Variants in SLC4A10 observed in about 807,000 individuals in gnomAD.
The protein encoded by SLC4A10 is sodium-driven chloride bicarbonate exchanger.
In SLC4A10, 42 loss-of-function variants were observed where a neutral mutation model predicts 137.7. That is an observed-to-expected ratio of 0.30 (90% CI 0.24 to 0.39). The LOEUF is 0.39. Ranked by LOEUF, SLC4A10 falls within the 10% of genes least tolerant of loss-of-function variation. The probability of loss-of-function intolerance (pLI) is 1.00; values close to 1 mark genes in which losing one functional copy is unlikely to be tolerated. For synonymous variants in SLC4A10, 474 were observed against 464.1 expected (o/e 1.02, Z -0.27); for missense variants, 925 against 1,355.0 (o/e 0.68, Z 4.98).
intron 1 of SLC4A10, among the ~76,000 whole-genome samples, chr2:161,734,620 A>G (rs2125204569): frequency 6.6e-6 from 1 of 152,198 alleles, no homozygotes; most frequent in Non-Finnish European, 1.5e-5. Context: ...TTTTATTTGA[A>G]ATTATCTTAA....
intron 1 of SLC4A10, among the ~76,000 whole-genome samples, chr2:161,762,118 A>G (rs1167835231): frequency 6.6e-6 from 1 of 152,128 alleles, no homozygotes; most frequent in Non-Finnish European, 1.5e-5. Context: ...TGCTTCTTTA[A>G]TAAAAATATG....
intron 9 of SLC4A10, among the ~76,000 whole-genome samples, chr2:161,879,591 A>G (rs536306295): frequency 2.7e-5 from 4 of 149,270 alleles, no homozygotes; most frequent in Admixed American, 6.7e-5. Context: ...AGAAGTGGTA[A>G]CATGTTAGCT....
chr2:161,881,348 T>A (rs1251089766), intron 9 of SLC4A10, among the ~76,000 whole-genome samples: 1 of 152,052 alleles, frequency 6.6e-6, no homozygotes, highest in Non-Finnish European at 1.5e-5. Context: ...CCATTCCTGT[T>A]TTTAATGTAT....
At chr2:161,860,073 A>G (rs2060347555) in intron 5 of SLC4A10, among the ~76,000 whole-genome samples, 1 of 152,228 alleles carries the variant, frequency 6.6e-6, no homozygotes, top group African/African-American at 2.4e-5. Context: ...GTAAGTGATT[A>G]CTAATTCAGA....
intron 3 of SLC4A10, among the ~76,000 whole-genome samples, chr2:161,830,879 G>A (rs2058390921): frequency 6.6e-6 from 1 of 152,146 alleles, no homozygotes; most frequent in Non-Finnish European, 1.5e-5. Flanking sequence ...AAGAGATGTA[G>A]GGTGCTATAA....
intron 2 of SLC4A10, among the ~76,000 whole-genome samples, chr2:161,772,586 T>C (rs1018172034): frequency 1.3e-5 from 2 of 151,948 alleles, no homozygotes; most frequent in Non-Finnish European, 2.9e-5. Flanking sequence ...TTCTGATTGG[T>C]AGAGCACAAC....
At chr2:161,637,027 T>A (rs2034501386) in intron 1 of SLC4A10, among the ~76,000 whole-genome samples, 2 of 147,294 alleles carry the variant, frequency 1.4e-5, no homozygotes, top group African/African-American at 4.9e-5. Context: ...CTACATTTTT[T>A]AAAAATTATT....
At chr2:161,784,959 G>GT (rs555189634) in intron 2 of SLC4A10, among the ~76,000 whole-genome samples, 15 of 150,168 alleles carry the variant, frequency 1.0e-4, no homozygotes, top group Admixed American at 4.0e-4. Flanking sequence ...ATGAAATTGG[G>GT]TTTTTTTTTA....
At chr2:161,711,300 T>G (rs1559083621) in intron 1 of SLC4A10, among the ~76,000 whole-genome samples, 1 of 151,786 alleles carries the variant, frequency 6.6e-6, no homozygotes, top group Non-Finnish European at 1.5e-5. Context: ...AATTCCAGGC[T>G]CAGTGTGGGT....
chr2:161,888,660 A>C (rs2062581014), intron 10 of SLC4A10, among the ~76,000 whole-genome samples: 1 of 152,202 alleles, frequency 6.6e-6, no homozygotes, highest in Non-Finnish European at 1.5e-5. Context: ...ACTTTGCTGA[A>C]GTTGCTTATC....
At chr2:161,912,383 G>C (rs1196224200) in intron 15 of SLC4A10, among the ~76,000 whole-genome samples, 1 of 152,152 alleles carries the variant, frequency 6.6e-6, no homozygotes, top group Non-Finnish European at 1.5e-5. Context: ...GAGATGTGAT[G>C]AGTGTTCTCA....
chr2:161,810,158 G>T (rs1339450333), intron 3 of SLC4A10, among the ~76,000 whole-genome samples: 1 of 151,770 alleles, frequency 6.6e-6, no homozygotes, highest in African/African-American at 2.4e-5. Flanking sequence ...TTTTTGACTT[G>T]GCTCTCTGAT....
intron 1 of SLC4A10, among the ~76,000 whole-genome samples, chr2:161,742,734 C>A (rs2048041888): frequency 6.6e-6 from 1 of 151,920 alleles, no homozygotes; most frequent in Admixed American, 6.6e-5. Flanking sequence ...ACCATGGTGC[C>A]CAGCTGGGTT....
chr2:161,870,050 T>C (rs1483221456), intron 6 of SLC4A10, among the ~76,000 whole-genome samples: 1 of 151,366 alleles, frequency 6.6e-6, no homozygotes, highest in East Asian at 1.9e-4. Context: ...AAATCCCTTC[T>C]TCATTATCAA....
At chr2:161,771,112 T>C in intron 2 of SLC4A10, 58 bp downstream of exon 2, 1 of 1,243,850 alleles carries the variant, frequency 8.0e-7, no homozygotes, top group Non-Finnish European at 1.1e-6. Context: ...ATTTCACAGA[T>C]AAATGTAGTT....
chr2:161,771,726 G>T (rs2051637118), intron 2 of SLC4A10, among the ~76,000 whole-genome samples: 1 of 151,836 alleles, frequency 6.6e-6, no homozygotes, highest in African/African-American at 2.4e-5. Flanking sequence ...ATAGTACCTG[G>T]CCAAAGAGTT....
At chr2:161,956,173 T>C (rs1169594016) in intron 19 of SLC4A10, among the ~76,000 whole-genome samples, 1 of 152,172 alleles carries the variant, frequency 6.6e-6, no homozygotes, top group Admixed American at 6.5e-5. Flanking sequence ...CAGATATTAT[T>C]CCAAATGATT....
chr2:161,955,634 A>G (rs1478585877), intron 19 of SLC4A10, among the ~76,000 whole-genome samples: 1 of 152,178 alleles, frequency 6.6e-6, no homozygotes, highest in Non-Finnish European at 1.5e-5. Context: ...AAAGGAAAGA[A>G]AGTACAACTG....
chr2:161,959,072 T>A (rs1466315603), intron 21 of SLC4A10, among the ~76,000 whole-genome samples: 1 of 152,130 alleles, frequency 6.6e-6, no homozygotes, highest in Non-Finnish European at 1.5e-5. Context: ...GCTTACAACA[T>A]AATACAAAGT....
Sources: gnomAD v4.1 joint callset for allele counts (sites outside exome capture counted in the v4.1 genomes callset) on GRCh38, gnomAD v4.1.1 for gene constraint, MANE v1.5 for transcripts, NCBI Gene and HGNC (gene_info 2026-07-23, HGNC 2026-07-21) for gene names.